HPSE2: variants seen among roughly 807,000 people sequenced by gnomAD.
The protein encoded by HPSE2 is inactive heparanase-2.
HPSE2 carries 38 observed loss-of-function variants against 60.5 expected under a neutral mutation model. That is an observed-to-expected ratio of 0.63 (90% CI 0.48 to 0.82). The LOEUF is 0.82. HPSE2 is among the 40% of genes least tolerant of loss of function. HPSE2 has a pLI of 0.00. For synonymous variants in HPSE2, 295 were observed against 293.2 expected (o/e 1.01, Z -0.06); for missense variants, 713 against 740.4 (o/e 0.96, Z 0.43).
intron 10 of HPSE2, 95 bp from the exon 11 acceptor site, chr10:98,482,877 C>T (rs2133649424): frequency 2.2e-6 from 3 of 1,358,292 alleles, no homozygotes; most frequent in Middle Eastern, 1.9e-4. Flanking sequence ...ATATGAACAG[C>T]CCTGAAAATG....
chr10:98,511,280 AGCT>A (rs1942384699), intron 9 of HPSE2, among the ~76,000 whole-genome samples: 1 of 151,890 alleles, frequency 6.6e-6, no homozygotes, highest in South Asian at 2.1e-4. Flanking sequence ...CCTCCAGAGT[AGCT>A]GGGACTACAG....
intron 2 of HPSE2, among the ~76,000 whole-genome samples, chr10:99,172,159 A>G (rs980970759): frequency 2.0e-5 from 3 of 152,164 alleles, no homozygotes; most frequent in Non-Finnish European, 4.4e-5. Flanking sequence ...AGTATCCAAG[A>G]GTTAGTTTTT....
At chr10:99,091,886 T>C (rs555423014) in intron 3 of HPSE2, among the ~76,000 whole-genome samples, 1 of 152,342 alleles carries the variant, frequency 6.6e-6, no homozygotes, top group South Asian at 2.1e-4. Context: ...TTTAATTATC[T>C]GTGAGCTTTC....
rs183758776 is a variant in HPSE2, at chr10:99,144,883, G to A, written c.449-484C>T. ...ATTCACCTGCCAGCCAGCCTACTCA[G>A]CTCAAGTTAGAGCTGCCGATCTATG... is the stretch of plus-strand genomic sequence containing the variant. On this transcript the variant is annotated intron_variant, in intron 2 of 11. Transcript: ENST00000370552. Among the ~76,000 whole-genome samples, 219 of 152,244 alleles carry A rather than the reference G, an allele frequency of 1.4e-3. 2 individuals are homozygous for A. The highest frequency in any genetic ancestry group is 7.5e-3 in the South Asian group (36 of 4,826).
At chr10:98,772,563 T>C (rs1263937226) in intron 3 of HPSE2, among the ~76,000 whole-genome samples, 1 of 152,140 alleles carries the variant, frequency 6.6e-6, no homozygotes, top group African/African-American at 2.4e-5. Context: ...TTTTGAGGAA[T>C]ATTTAATACA....
At chr10:98,614,822 A>T in intron 9 of HPSE2, 82 bp downstream of exon 9, 1 of 942,884 alleles carries the variant, frequency 1.1e-6, no homozygotes, top group South Asian at 1.3e-5. Flanking sequence ...GAGGAAAAAT[A>T]TTCTCCTAGT....
chr10:99,105,945 A>G (rs1221236992), intron 3 of HPSE2, among the ~76,000 whole-genome samples: 1 of 152,044 alleles, frequency 6.6e-6, no homozygotes, highest in Non-Finnish European at 1.5e-5. Context: ...GCAAACTCTT[A>G]ATTCTGTTCC....
intron 5 of HPSE2, among the ~76,000 whole-genome samples, chr10:98,714,521 T>A (rs1229544306): frequency 6.6e-6 from 1 of 151,932 alleles, no homozygotes; most frequent in Non-Finnish European, 1.5e-5. Context: ...ATCCATGTTA[T>A]AACATGTATT....
intron 3 of HPSE2, among the ~76,000 whole-genome samples, chr10:98,973,736 A>G (rs1956016552): frequency 6.6e-6 from 1 of 152,176 alleles, no homozygotes; most frequent in Admixed American, 6.5e-5. Context: ...CCAAGGAAAA[A>G]AATAAGGGAC....
chr10:98,885,826 C>T (rs910159784), intron 3 of HPSE2, among the ~76,000 whole-genome samples: 3 of 152,030 alleles, frequency 2.0e-5, no homozygotes, highest in Admixed American at 6.6e-5. Flanking sequence ...GAGATATTCA[C>T]TTTATTTTGG....
intron 9 of HPSE2, among the ~76,000 whole-genome samples, chr10:98,543,104 A>G (rs2133829417): frequency 6.6e-6 from 1 of 152,318 alleles, no homozygotes; most frequent in South Asian, 2.1e-4. Context: ...CTCAAAGGGA[A>G]GCCCATCAGA....
intron 3 of HPSE2, among the ~76,000 whole-genome samples, chr10:99,039,515 A>G (rs1032805996): frequency 1.3e-4 from 20 of 149,990 alleles, no homozygotes; most frequent in African/African-American, 4.9e-4. Context: ...ATATATAAAT[A>G]TATGTGTGTA....
chr10:98,810,321 C>T (rs1951141211), intron 3 of HPSE2, among the ~76,000 whole-genome samples: 1 of 151,794 alleles, frequency 6.6e-6, no homozygotes. Flanking sequence ...AGGGAGCCTA[C>T]ATTAAAAAAT....
intron 3 of HPSE2, among the ~76,000 whole-genome samples, chr10:98,777,548 A>G (rs1950368326): frequency 6.6e-6 from 1 of 152,204 alleles, no homozygotes; most frequent in African/African-American, 2.4e-5. Context: ...GAGGTTTTCC[A>G]AGAGTAAACA....
intron 3 of HPSE2, among the ~76,000 whole-genome samples, chr10:98,962,995 T>A (rs1955718976): frequency 6.6e-6 from 1 of 152,198 alleles, no homozygotes; most frequent in African/African-American, 2.4e-5. Flanking sequence ...CAGAGCACAT[T>A]CTCTGTGAAT....
At chr10:99,003,141 A>G (rs1956813319) in intron 3 of HPSE2, among the ~76,000 whole-genome samples, 1 of 152,048 alleles carries the variant, frequency 6.6e-6, no homozygotes, top group Admixed American at 6.6e-5. Context: ...ACTTAATATA[A>G]TGTCCTCCAT....
the HPSE2 span, among the ~76,000 whole-genome samples, chr10:99,282,234 G>A: frequency 6.6e-6 from 1 of 151,974 alleles, no homozygotes; most frequent in South Asian, 2.1e-4. Context: ...ACTCCAGCCT[G>A]GGCAACAGCA....
At chr10:99,129,915 T>C (rs1209905806) in intron 3 of HPSE2, among the ~76,000 whole-genome samples, 3 of 151,778 alleles carry the variant, frequency 2.0e-5, no homozygotes, top group Admixed American at 6.6e-5. Context: ...GAGAAGATCC[T>C]AATAAGCTCA....
intron 3 of HPSE2, among the ~76,000 whole-genome samples, chr10:98,800,049 GA>G (rs150282916): frequency 3.3e-5 from 5 of 150,122 alleles, no homozygotes; most frequent in Admixed American, 6.6e-5. Context: ...AACTAACAAA[GA>G]AAAAAAAAGG....
Sources: allele counts gnomAD v4.1 joint callset (sites outside exome capture counted in the v4.1 genomes callset), GRCh38; gene constraint gnomAD v4.1.1; transcripts MANE v1.5; gene names NCBI Gene and HGNC (gene_info 2026-07-23, HGNC 2026-07-21).